The following SGMS2 variants were observed in gnomAD, a reference collection of about 807,000 sequenced individuals.
SGMS2 encodes the protein sphingomyelin synthase 2.
In SGMS2, 21 loss-of-function variants were observed where a neutral mutation model predicts 43.8. The ratio of observed to expected loss-of-function variants is 0.48; its 90% CI spans 0.34 to 0.69. The LOEUF (loss-of-function observed/expected upper bound fraction) is 0.69. Among genes scored for constraint, SGMS2 ranks in the 30% least tolerant of loss-of-function variants. The pLI is 0.01. For synonymous variants in SGMS2, 167 were observed against 160.6 expected (o/e 1.04, Z -0.30); for missense variants, 384 against 443.2 (o/e 0.87, Z 1.20).
rs117473605 is a variant in SGMS2, at chr4:107,889,937, G to T, written c.-244-5373G>T. 1.1e-3 allele frequency among the ~76,000 whole-genome samples: 165 copies of T among 152,234 alleles called. 3 individuals carry two copies. The East Asian group carries it at 0.028, about 26-fold the overall frequency. On this transcript the variant is annotated intron_variant, in intron 2 of 6. Coordinates refer to ENST00000690982, the MANE Select transcript of SGMS2 (RefSeq NM_001375905.1). ...ACCTATCTTTTAACCAGATCTCTGAGCCCTGGGCAGAGCCCACACTGAATC... is the reference window on the plus strand; with the variant it reads ...ACCTATCTTTTAACCAGATCTCTGATCCCTGGGCAGAGCCCACACTGAATC...
rs996692957 is a variant in SGMS2, at chr4:107,914,345, G to C, written c.*3792G>C. On this transcript the variant is annotated 3_prime_UTR_variant, in exon 7 of 7. Coordinates refer to ENST00000690982, the MANE Select transcript of SGMS2 (RefSeq NM_001375905.1). The stretch of plus-strand genomic sequence containing the variant: ...CTTTATTGTGAAATTATTTAAAACT[G>C]TCCTTTAAAAGAAAAAGAGGAAACG... 8 of 152,084 alleles carry C rather than the reference G, an allele frequency of 5.3e-5. No individual in the cohort carries two copies. The highest frequency in any genetic ancestry group is 5.2e-4 in the Admixed American group (8 of 15,252). The allele number at this position is 152,084 out of a possible 1,614,324, so 9.4% of individuals were successfully genotyped here.
At chr4:107,847,267 A>G (rs1430113293) in intron 1 of SGMS2, among the ~76,000 whole-genome samples, 1 of 152,180 alleles carries the variant, frequency 6.6e-6, no homozygotes, top group Non-Finnish European at 1.5e-5. Flanking sequence ...TAAGTCTTTA[A>G]TCCATCTCGA....
intron 5 of SGMS2, 41 bp downstream of exon 5, chr4:107,903,427 G>A (rs779249510): frequency 1.9e-6 from 3 of 1,601,394 alleles, no homozygotes; most frequent in African/African-American, 1.3e-5. Context: ...TAGCTGTAGT[G>A]GGAGGGATCC....
At chr4:107,850,370 G>A (rs1229932076) in intron 1 of SGMS2, among the ~76,000 whole-genome samples, 1 of 152,068 alleles carries the variant, frequency 6.6e-6, no homozygotes, top group Non-Finnish European at 1.5e-5. Context: ...ATACTTTTTT[G>A]TTTGTTTAGA....
rs796470108 is a variant in SGMS2, at chr4:107,894,379, AAG to A, written c.-244-928_-244-927del. 2.0e-4 allele frequency: 30 copies of A among 152,386 alleles called. 1 individual carries two copies. The highest frequency in any genetic ancestry group is 7.0e-4 in the African/African-American group (29 of 41,558). The allele number at this position is 152,386 out of a possible 1,614,324, so 9.4% of individuals were successfully genotyped here. ...TGGGGCTGTGTGCTAGCAAGTATAA[AAG>A]AGGTGGCAGTGGTGCCCCGTGTCCG... On this transcript the variant is annotated intron_variant, in intron 2 of 6. Transcript: ENST00000690982.
chr4:107,903,505 G>C, intron 5 of SGMS2, 119 bp downstream of exon 5: 2 of 839,794 alleles, frequency 2.4e-6, no homozygotes, highest in Non-Finnish European at 3.8e-6. Context: ...AGACGGATGT[G>C]TGTGTATATA....
intron 4 of SGMS2, among the ~76,000 whole-genome samples, chr4:107,902,098 T>A (rs528966668): frequency 2.0e-5 from 3 of 151,460 alleles, no homozygotes; most frequent in Non-Finnish European, 4.4e-5. Flanking sequence ...TTTTTTTTTT[T>A]AGTAGAGACA....
chr4:107,838,539 G>A (rs1726325349), intron 1 of SGMS2, among the ~76,000 whole-genome samples: 1 of 152,058 alleles, frequency 6.6e-6, no homozygotes, highest in Non-Finnish European at 1.5e-5. Context: ...GCCTTCACTG[G>A]TTACTCCTGA....
chr4:107,874,833 T>C (rs1728790086), intron 2 of SGMS2, among the ~76,000 whole-genome samples: 1 of 152,188 alleles, frequency 6.6e-6, no homozygotes, highest in South Asian at 2.1e-4. Flanking sequence ...GTTATTCTCT[T>C]CGTGTCTCTA....
At chr4:107,833,590 A>T (rs1726011381) in intron 1 of SGMS2, among the ~76,000 whole-genome samples, 1 of 152,242 alleles carries the variant, frequency 6.6e-6, no homozygotes, top group South Asian at 2.1e-4. Flanking sequence ...ATACAAAATT[A>T]CCTTCAATCT....
Position 107,910,528 on chromosome 4 carries a change from G to C in SGMS2, c.1073G>C (p.Gly358Ala). The C allele has an allele frequency of 6.2e-7, 1 of 1,613,974 alleles. No individual in the cohort carries two copies. Among genetic ancestry groups the C allele is most frequent in the Admixed American group, 1.7e-5 (1 of 60,004 alleles). ...AAGTATTCACGGGTTCAGAAGATTG[G>C]TGAAGACAATGAGAAATCGACCTGA... ...CKKYSRVQKI[G>A]EDNEKST The change falls in exon 7 of 7, where the codon GGT (glycine) becomes GCT (alanine). Residue 358 changes from glycine (G) to alanine (A), a missense_variant. Transcript: ENST00000690982.
At chr4:107,841,766 A>G (rs1726522744) in intron 1 of SGMS2, among the ~76,000 whole-genome samples, 1 of 151,844 alleles carries the variant, frequency 6.6e-6, no homozygotes, top group Non-Finnish European at 1.5e-5. Flanking sequence ...CTCCCACCTC[A>G]GCTTCCCAAG....
chr4:107,868,151 T>C (rs184918201), intron 2 of SGMS2, among the ~76,000 whole-genome samples: 27 of 152,310 alleles, frequency 1.8e-4, no homozygotes, highest in Middle Eastern at 3.4e-3. Context: ...AAAGCCACAA[T>C]ATAATAATCA....
chr4:107,902,897 C>A (rs1214555767), intron 4 of SGMS2, among the ~76,000 whole-genome samples: 1 of 152,000 alleles, frequency 6.6e-6, no homozygotes, highest in Non-Finnish European at 1.5e-5. Flanking sequence ...CCCTCACTTC[C>A]CCCTGCAAAA....
At chr4:107,902,738 C>T (rs1731230183) in intron 4 of SGMS2, among the ~76,000 whole-genome samples, 1 of 151,982 alleles carries the variant, frequency 6.6e-6, no homozygotes, top group African/African-American at 2.4e-5. Flanking sequence ...GTTGCAACTC[C>T]TCTTCTTAAT....
chr4:107,887,207 T>C (rs777540794), intron 2 of SGMS2, among the ~76,000 whole-genome samples: 2 of 152,202 alleles, frequency 1.3e-5, no homozygotes, highest in Non-Finnish European at 2.9e-5. Context: ...TCCACAGTTA[T>C]CAGAAACCTG....
At chr4:107,879,332 G>A (rs1215555859) in intron 2 of SGMS2, among the ~76,000 whole-genome samples, 2 of 152,060 alleles carry the variant, frequency 1.3e-5, no homozygotes, top group African/African-American at 4.8e-5. Context: ...TGTTATTTCA[G>A]AGTCACTGCA....
rs1309518710 is a variant in SGMS2, at chr4:107,910,836, T to C, written c.*283T>C. 1 of 303,232 alleles carries C rather than the reference T, an allele frequency of 3.3e-6. No homozygotes were observed. The highest frequency in any genetic ancestry group is 2.2e-5 in the African/African-American group (1 of 46,120). 18.8% of individuals were successfully genotyped at this position (303,232 alleles called of 1,614,324 possible). On this transcript the variant is annotated 3_prime_UTR_variant, in exon 7 of 7. Coordinates refer to ENST00000690982, the MANE Select transcript of SGMS2 (RefSeq NM_001375905.1). ...AAAGAGGTGCCAAAGAACATATTCC[T>C]CCTTTCTTTATTCTTTCTCCACCAA...
intron 2 of SGMS2, among the ~76,000 whole-genome samples, chr4:107,881,666 G>A (rs1729364368): frequency 6.6e-6 from 1 of 152,070 alleles, no homozygotes; most frequent in South Asian, 2.1e-4. Flanking sequence ...ATTGTTGACT[G>A]TAGTCACCCT....
Sources: gnomAD v4.1 joint callset for allele counts (sites outside exome capture counted in the v4.1 genomes callset) on GRCh38, gnomAD v4.1.1 for gene constraint, MANE v1.5 for transcripts, NCBI Gene and HGNC (gene_info 2026-07-23, HGNC 2026-07-21) for gene names.